CHRM3: variants seen among roughly 807,000 people sequenced by gnomAD.
CHRM3 encodes the protein cholinergic receptor muscarinic 3, also known as muscarinic acetylcholine receptor M3.
CHRM3 carries 11 observed loss-of-function variants against 41.8 expected under a neutral mutation model. That is an observed-to-expected ratio of 0.26 (90% CI 0.17 to 0.44). CHRM3 has a LOEUF of 0.44. CHRM3 is among the 20% of genes least tolerant of loss of function. CHRM3 has a pLI of 1.00. For synonymous variants in CHRM3, 297 were observed against 301.4 expected (o/e 0.99, Z 0.15); for missense variants, 571 against 745.4 (o/e 0.77, Z 2.72).
chr1:239,584,005 C>T (rs777915645), intron 3 of CHRM3, among the ~76,000 whole-genome samples: 10 of 151,960 alleles, frequency 6.6e-5, no homozygotes, highest in Non-Finnish European at 1.3e-4. Context: ...GCTGGGGGAA[C>T]GCAGGAGTCC....
intron 4 of CHRM3, among the ~76,000 whole-genome samples, chr1:239,654,380 T>C (rs186840218): frequency 3.1e-4 from 47 of 152,306 alleles, no homozygotes; most frequent in African/African-American, 1.1e-3. Flanking sequence ...TTACTTTTCC[T>C]ATGATGAATA....
At chr1:239,536,257 T>C (rs902338007) in intron 2 of CHRM3, among the ~76,000 whole-genome samples, 1 of 152,190 alleles carries the variant, frequency 6.6e-6, no homozygotes, top group African/African-American at 2.4e-5. Context: ...TTGAGGAGCA[T>C]GTGACTTGAA....
chr1:239,548,290 A>T (rs954170221), intron 3 of CHRM3, among the ~76,000 whole-genome samples: 40 of 152,162 alleles, frequency 2.6e-4, no homozygotes, highest in African/African-American at 7.7e-4. Context: ...CCATCTCTCT[A>T]GTTGAGCCAG....
chr1:239,463,007 A>G (rs559469911), intron 1 of CHRM3, among the ~76,000 whole-genome samples: 7 of 152,348 alleles, frequency 4.6e-5, no homozygotes, highest in African/African-American at 1.7e-4. Flanking sequence ...AGTTTACTTT[A>G]TGTAGCTAAA....
At chr1:239,557,202 T>C (rs1660445764) in intron 3 of CHRM3, among the ~76,000 whole-genome samples, 1 of 152,180 alleles carries the variant, frequency 6.6e-6, no homozygotes, top group Non-Finnish European at 1.5e-5. Context: ...CTCAGCTGGC[T>C]GCTGAATAAA....
chr1:239,847,733 T>TAC (rs980070778), intron 6 of CHRM3, among the ~76,000 whole-genome samples: 1 of 151,490 alleles, frequency 6.6e-6, no homozygotes, highest in African/African-American at 2.4e-5. Flanking sequence ...CACACACATA[T>TAC]ACACACACAC....
intron 1 of CHRM3, among the ~76,000 whole-genome samples, chr1:239,443,296 C>G (rs1663869157): frequency 6.6e-6 from 1 of 152,100 alleles, no homozygotes; most frequent in Admixed American, 6.6e-5. Flanking sequence ...ATTTGTCTTT[C>G]GTCATAGAGT....
At chr1:239,715,121 T>C (rs146622945) in intron 5 of CHRM3, among the ~76,000 whole-genome samples, 83 of 152,228 alleles carry the variant, frequency 5.5e-4, no homozygotes, top group African/African-American at 1.9e-3. Flanking sequence ...GAGTAAAAAC[T>C]GAGAAGGACC....
chr1:239,513,239 C>T (rs1245628404), intron 2 of CHRM3, among the ~76,000 whole-genome samples: 3 of 152,088 alleles, frequency 2.0e-5, no homozygotes, highest in Non-Finnish European at 2.9e-5. Flanking sequence ...ATTTGGGGGG[C>T]CTTGATTAAA....
At chr1:239,668,326 T>A (rs539512453) in intron 4 of CHRM3, among the ~76,000 whole-genome samples, 1 of 152,148 alleles carries the variant, frequency 6.6e-6, no homozygotes, top group African/African-American at 2.4e-5. Flanking sequence ...TGACCTGAAG[T>A]GATCTGCCCA....
intron 1 of CHRM3, among the ~76,000 whole-genome samples, chr1:239,434,554 G>A (rs1663080720): frequency 6.6e-6 from 1 of 152,170 alleles, no homozygotes; most frequent in Admixed American, 6.5e-5. Flanking sequence ...TATATGGGTA[G>A]TGGCTACCTT....
intron 3 of CHRM3, among the ~76,000 whole-genome samples, chr1:239,603,566 C>T (rs544180963): frequency 1.3e-5 from 2 of 152,040 alleles, no homozygotes; most frequent in Non-Finnish European, 2.9e-5. Context: ...CCAATGAGGT[C>T]GAGGTCTCAT....
intron 1 of CHRM3, among the ~76,000 whole-genome samples, chr1:239,481,745 C>G (rs1485789480): frequency 6.6e-6 from 1 of 152,052 alleles, no homozygotes; most frequent in East Asian, 1.9e-4. Context: ...GAGTGCTATT[C>G]TAGGGGCTGG....
intron 4 of CHRM3, among the ~76,000 whole-genome samples, chr1:239,635,745 G>A (rs1333843519): frequency 2.6e-5 from 4 of 152,070 alleles, no homozygotes; most frequent in Non-Finnish European, 5.9e-5. Context: ...TATCATCTAA[G>A]CCCCATGAGG....
intron 6 of CHRM3, among the ~76,000 whole-genome samples, chr1:239,898,670 C>G (rs927041856): frequency 6.6e-6 from 1 of 152,122 alleles, no homozygotes; most frequent in African/African-American, 2.4e-5. Flanking sequence ...GTTTAAAAAT[C>G]GAGAGCCCTC....
At chr1:239,876,753 C>T (rs1322339011) in intron 6 of CHRM3, among the ~76,000 whole-genome samples, 2 of 152,182 alleles carry the variant, frequency 1.3e-5, no homozygotes, top group East Asian at 3.9e-4. Context: ...ATTGAGGTTA[C>T]TCGGCCTTTG....
At chr1:239,730,526 T>A (rs894935878) in intron 5 of CHRM3, 1 of 152,120 alleles carries the variant, frequency 6.6e-6, no homozygotes, top group Non-Finnish European at 1.5e-5. Context: ...TCAAAGTTTA[T>A]CTGAATCTGG....
intron 2 of CHRM3, among the ~76,000 whole-genome samples, chr1:239,526,167 C>G (rs1487560175): frequency 6.6e-6 from 1 of 152,058 alleles, no homozygotes; most frequent in African/African-American, 2.4e-5. Context: ...CTTCCCTGGC[C>G]CTGAATCTTC....
intron 3 of CHRM3, among the ~76,000 whole-genome samples, chr1:239,613,108 G>T (rs1374271432): frequency 6.6e-6 from 1 of 152,304 alleles, no homozygotes; most frequent in Non-Finnish European, 1.5e-5. Flanking sequence ...ATGTGATTTG[G>T]GATGCCCCTC....
Sources: gnomAD v4.1 joint callset for allele counts (sites outside exome capture counted in the v4.1 genomes callset) on GRCh38, gnomAD v4.1.1 for gene constraint, MANE v1.5 for transcripts, NCBI Gene and HGNC (gene_info 2026-07-23, HGNC 2026-07-21) for gene names.